RADIL: variants seen among roughly 807,000 people sequenced by gnomAD.
RADIL encodes the protein Rap associating with DIL domain, also known as ras-associating and dilute domain-containing protein.
In RADIL, 99 loss-of-function variants were observed where a neutral mutation model predicts 97.6. The observed-to-expected ratio is 1.01, with a 90% CI of 0.86 to 1.20. The LOEUF is 1.20. Among genes scored for constraint, RADIL ranks in the 50% most tolerant of loss-of-function variants. RADIL has a pLI of 0.00. For synonymous variants in RADIL, 803 were observed against 691.8 expected, an observed-to-expected ratio of 1.16 and a Z score of -2.52; for missense variants, 1,765 against 1,498.9, an observed-to-expected ratio of 1.18 and a Z score of -2.93.
chr7:4,853,578 A>G (rs1211806677), intron 2 of RADIL, among the ~76,000 whole-genome samples: 1 of 152,042 alleles, frequency 6.6e-6, no homozygotes, highest in East Asian at 1.9e-4. Flanking sequence ...CCCCGTCTCT[A>G]CTAAAAATAC....
chr7:4,866,361 G>A (rs772467756), intron 2 of RADIL, among the ~76,000 whole-genome samples: 14 of 152,140 alleles, frequency 9.2e-5, no homozygotes, highest in African/African-American at 2.2e-4. Flanking sequence ...ATAAATCCAT[G>A]AAATGGATTT....
In RADIL at chr7:4,834,677, G is replaced by C; in HGVS notation, c.1346C>G (p.Thr449Ser). ...LLCLCIQHSA[T>S]HFQPGTFGQL... Reference sequence around the variant, plus strand: ...CCCGAATGTGCCCGGCTGGAAGTGGGTGGCCGAGTGCTGGATGCAGAGGCA... The same window carrying C: ...CCCGAATGTGCCCGGCTGGAAGTGGCTGGCCGAGTGCTGGATGCAGAGGCA... Residue 449 changes from threonine to serine, a missense_variant, in exon 4 of 15, where the codon ACC becomes AGC. Transcript: ENST00000399583. The surrounding 1 kb of genome is among the most constrained non-coding windows in gnomAD (Gnocchi z 6.0). 1.5e-6 allele frequency: 2 copies of C among 1,377,328 alleles called. No individual in the cohort carries two copies. Among genetic ancestry groups the C allele is most frequent in the Non-Finnish European group, 9.4e-7 (1 of 1,059,754 alleles). The allele number at this position is 1,377,328 out of a possible 1,614,324, so 85.3% of individuals were successfully genotyped here. A position where few individuals can be genotyped will look rare whatever the true frequency, so the allele number is the denominator to read the frequency against.
rs754751344 is a variant in RADIL, at chr7:4,822,409, G to A, written c.1600C>T (p.Gln534Ter). Residue 534 changes from glutamine to a stop codon, truncating the protein, a stop_gained, in exon 6 of 15, where the codon CAG becomes TAG. Transcript: ENST00000399583. LOFTEE classifies it high-confidence loss of function. The surrounding 1 kb of genome is among the most constrained non-coding windows in gnomAD (Gnocchi z 5.3). ...CCAGCCGTACCTGTGATGTCCAGCT[G>A]CTCCTCCATGCTCTGCATGTAGAGT... ...CPLYMQSMEE[Q>*]LDITGSKESL... 6.2e-7 allele frequency: 1 copy of A among 1,611,700 alleles called. No homozygotes were observed. The highest frequency in any genetic ancestry group is 8.5e-7 in the Non-Finnish European group (1 of 1,179,540).
intron 6 of RADIL, among the ~76,000 whole-genome samples, chr7:4,820,287 C>T (rs73312637): frequency 0.027 from 4,041 of 152,308 alleles, 180 homozygotes; most frequent in African/African-American, 0.091. Flanking sequence ...CAGGGAGAGG[C>T]GACGGGCGCT....
intron 2 of RADIL, 28 bp from the exon 3 acceptor site, chr7:4,836,633 A>G (rs777114608): frequency 6.2e-7 from 1 of 1,603,264 alleles, no homozygotes; most frequent in Non-Finnish European, 8.5e-7. Context: ...CAAGGTGAAC[A>G]GTTAGAAGTC....
chr7:4,803,971 G>C (rs575729810), intron 10 of RADIL: 1 of 648,386 alleles, frequency 1.5e-6, no homozygotes, highest in Non-Finnish European at 2.8e-6. Context: ...TGTGACATCC[G>C]AGCAGTTCAG....
intron 2 of RADIL, among the ~76,000 whole-genome samples, chr7:4,845,990 C>A (rs566415377): frequency 6.6e-6 from 1 of 152,262 alleles, no homozygotes; most frequent in South Asian, 2.1e-4. Context: ...CGGTGACCAG[C>A]GAAGCACAGT....
intron 2 of RADIL, among the ~76,000 whole-genome samples, chr7:4,876,893 G>T (rs1784388984): frequency 6.6e-6 from 1 of 152,224 alleles, no homozygotes; most frequent in Non-Finnish European, 1.5e-5. Flanking sequence ...GTAGGTTTTG[G>T]CCTGGGACAG....
intron 2 of RADIL, among the ~76,000 whole-genome samples, chr7:4,869,551 T>C (rs918523513): frequency 3.4e-5 from 5 of 145,754 alleles, no homozygotes; most frequent in African/African-American, 1.3e-4. Flanking sequence ...TTTTTTTTTT[T>C]CCATATAGCT....
chr7:4,843,547 G>A (rs1448934557), intron 2 of RADIL, among the ~76,000 whole-genome samples: 2 of 152,174 alleles, frequency 1.3e-5, no homozygotes, highest in Non-Finnish European at 2.9e-5. Flanking sequence ...CATTTGGTAA[G>A]CATTTCTCTA....
chr7:4,845,154 T>C (rs574942996), intron 2 of RADIL, among the ~76,000 whole-genome samples: 5 of 152,192 alleles, frequency 3.3e-5, no homozygotes, highest in African/African-American at 1.2e-4. Flanking sequence ...GCATGGTGGT[T>C]CATGCCTGTA....
Position 4,801,723 on chromosome 7 carries a change from G to A in RADIL, c.2772C>T (p.Gly924=), listed in dbSNP as rs777371581. ...PGDPDWPESG[G]PCGKALPERQ... ...TCTCTGGGAGCGCTTTTCCACAGGG[G>A]CCGCCGGACTCTGGCCAGTCGGGGT... The change falls in exon 12 of 15, where the codon GGC becomes GGT. Residue 924 remains glycine (G), a synonymous_variant. Coordinates refer to ENST00000399583, the MANE Select transcript of RADIL (RefSeq NM_018059.5). 1 of 1,610,238 alleles carries A rather than the reference G, an allele frequency of 6.2e-7. No homozygotes were observed.
intron 5 of RADIL, among the ~76,000 whole-genome samples, chr7:4,825,785 A>C (rs1172237928): frequency 6.7e-6 from 1 of 150,346 alleles, no homozygotes; most frequent in Non-Finnish European, 1.5e-5. Flanking sequence ...CTGAGGCAAA[A>C]GAATTTCTTG....
At chr7:4,809,029 C>G in intron 9 of RADIL, 1 of 744,040 alleles carries the variant, frequency 1.3e-6, no homozygotes. Context: ...CCCCCTTGTC[C>G]CCTTCCGACG....
chr7:4,815,292 C>T lies in RADIL; in HGVS notation c.2125G>A (p.Ala709Thr), dbSNP rs1482172377. 1 of 1,561,032 alleles carries T rather than the reference C, an allele frequency of 6.4e-7. No homozygotes were observed. The highest frequency in any genetic ancestry group is 8.7e-7 in the Non-Finnish European group (1 of 1,153,800). ...CTLNLLATPR[A>T]QLIQMSWTAL... Reference sequence around the variant, plus strand: ...CGCACCCCTACCTGGATGAGCTGGGCCCTGGGTGTGGCCAGCAGGTTGAGG... The same window carrying T: ...CGCACCCCTACCTGGATGAGCTGGGTCCTGGGTGTGGCCAGCAGGTTGAGG... Residue 709 changes from alanine (A) to threonine (T), a missense_variant, in exon 9 of 15, where the codon GCC becomes ACC. By Grantham distance (58) the Ala-to-Thr change is moderately conservative (BLOSUM62 0). Transcript: ENST00000399583. This position sits in a 1 kb window ranked among gnomAD's most constrained non-coding sequence, Gnocchi z 8.0.
rs1190437643 is a variant in RADIL, at chr7:4,883,431, C to A, written c.-65+165G>T. Among the ~76,000 whole-genome samples the A allele has an allele frequency of 6.6e-6, 1 of 152,060 alleles. No homozygotes were observed. Among genetic ancestry groups the A allele is most frequent in the Non-Finnish European group, 1.5e-5 (1 of 67,984 alleles). ...CGGGGCCCGACAGCCAGTCGGTTCC[C>A]ATGGCAACTGGGCAAACCTGCCCTC... is the stretch of plus-strand genomic sequence containing the variant. On this transcript the variant is annotated intron_variant, in intron 1 of 14. Coordinates refer to ENST00000399583, the MANE Select transcript of RADIL (RefSeq NM_018059.5). The surrounding 1 kb of genome is among the most constrained non-coding windows in gnomAD (Gnocchi z 7.1).
rs76860865 is a variant in RADIL at position 4,835,315 on chromosome 7, G to C, written c.784-76C>G. 2.9e-3 allele frequency: 4,439 copies of C among 1,542,194 alleles called. 143 individuals are homozygous for C. In the Admixed American group the frequency reaches 0.054, roughly 19 times the overall value. On this transcript the variant is annotated intron_variant, in intron 3 of 14. Transcript: ENST00000399583. This position sits in a 1 kb window ranked among gnomAD's most constrained non-coding sequence, Gnocchi z 5.8. Reference sequence around the variant, plus strand: ...AAAAGCGTCCCGTGTCTAGTCACTGGTTGCTGAAGCAGCGTGGCTGGGATG... The same window carrying C: ...AAAAGCGTCCCGTGTCTAGTCACTGCTTGCTGAAGCAGCGTGGCTGGGATG...
In RADIL at chr7:4,873,663, C is replaced by T. The variant is rs1458680939; in HGVS notation, c.535+3942G>A. Reference sequence around the variant, plus strand: ...TTGTTTCACTGCAGCCCCCCACCTTCCCCCAAAGCGACACGGTGACACATG... The same window carrying T: ...TTGTTTCACTGCAGCCCCCCACCTTTCCCCAAAGCGACACGGTGACACATG... On this transcript the variant is annotated intron_variant, in intron 2 of 14. Transcript: ENST00000399583. The surrounding 1 kb of genome is among the most constrained non-coding windows in gnomAD (Gnocchi z 4.3). 2.0e-5 allele frequency among the ~76,000 whole-genome samples: 3 copies of T among 152,356 alleles called. No individual in the cohort carries two copies. The highest frequency in any genetic ancestry group is 4.8e-5 in the African/African-American group (2 of 41,586).
chr7:4,832,739 A>C (rs750170367), intron 4 of RADIL, among the ~76,000 whole-genome samples: 2 of 124,192 alleles, frequency 1.6e-5, no homozygotes, highest in African/African-American at 6.2e-5. Context: ...ACTCCGTCTC[A>C]GCAAAAAAAA....
Sources: allele counts gnomAD v4.1 joint callset (sites outside exome capture counted in the v4.1 genomes callset), GRCh38; gene constraint gnomAD v4.1.1; non-coding constraint Gnocchi (gnomAD v3.1); transcripts MANE v1.5; gene names NCBI Gene and HGNC (gene_info 2026-07-23, HGNC 2026-07-21).